The following ADGRF5 variants were observed in gnomAD, a reference collection of about 807,000 sequenced individuals.
The protein encoded by ADGRF5 is adhesion G protein-coupled receptor F5, also known as G-protein coupled receptor 116.
In ADGRF5, 75 loss-of-function variants were observed where a neutral mutation model predicts 132.3. The ratio of observed to expected loss-of-function variants is 0.57; its 90% confidence interval spans 0.47 to 0.69. ADGRF5 has a LOEUF of 0.69. ADGRF5 is among the 30% of genes least tolerant of loss of function. ADGRF5 has a pLI of 0.00. For missense variants in ADGRF5, 1,516 were observed against 1,630.6 expected (o/e 0.93, Z 1.21); for synonymous variants, 629 against 597.6 (o/e 1.05, Z -0.77).
chr6:46,950,202 G>A (rs111429325), intron 1 of ADGRF5, among the ~76,000 whole-genome samples: 13 of 152,216 alleles, frequency 8.5e-5, no homozygotes, highest in East Asian at 1.9e-4. Flanking sequence ...AACATTGCCC[G>A]GGACAAGGCG....
intron 10 of ADGRF5, among the ~76,000 whole-genome samples, chr6:46,873,024 C>T (rs1571442): frequency 0.079 from 12,082 of 152,166 alleles, 648 homozygotes; most frequent in Non-Finnish European, 0.11. Flanking sequence ...AAATTACCTC[C>T]TAGCTCACAG....
rs1769466030 is a variant in ADGRF5 at position 46,859,406 on chromosome 6, A to G, written c.2497T>C (p.Ser833Pro). The change falls in exon 17 of 21, where the codon TCC becomes CCC. Residue 833 changes from serine (S) to proline (P), a missense_variant. This residue lies in a region of ADGRF5 where 571 missense variants were observed against 701.2 expected (regional missense o/e 0.81). Transcript: ENST00000283296. ...SQLLHSVERF[S>P]QALQSGDSPP... ...CTATCTCCCGACTGTAATGCTTGGG[A>G]AAATCTTTCCACTGAATGTAGTAGC... is the stretch of plus-strand genomic sequence containing the variant. 1 of 1,613,480 alleles carries G rather than the reference A, an allele frequency of 6.2e-7. No individual in the cohort carries two copies. Among genetic ancestry groups the G allele is most frequent in the East Asian group, 2.2e-5 (1 of 44,892 alleles).
chr6:46,866,608 A>T (rs1770470806), intron 13 of ADGRF5, among the ~76,000 whole-genome samples: 1 of 151,680 alleles, frequency 6.6e-6, no homozygotes, highest in South Asian at 2.1e-4. Flanking sequence ...GTGGCATGCA[A>T]CTTTATAGCA....
At chr6:46,912,946 T>A (rs1776086488) in intron 1 of ADGRF5, among the ~76,000 whole-genome samples, 2 of 152,166 alleles carry the variant, frequency 1.3e-5, no homozygotes, top group African/African-American at 4.8e-5. Context: ...TTCTATAAAA[T>A]CCCCAGCAAG....
intron 8 of ADGRF5, among the ~76,000 whole-genome samples, chr6:46,880,310 T>C (rs961310897): frequency 5.3e-5 from 8 of 151,780 alleles, no homozygotes; most frequent in Non-Finnish European, 1.2e-4. Flanking sequence ...ATTTTAAAGC[T>C]ATTTTCAATA....
chr6:46,911,968 T>C (rs1020282741), intron 1 of ADGRF5, among the ~76,000 whole-genome samples: 5 of 152,160 alleles, frequency 3.3e-5, no homozygotes, highest in Non-Finnish European at 5.9e-5. Context: ...GTTGAGGACT[T>C]ACTATATACC....
In ADGRF5 at chr6:46,859,003, C is replaced by T; in HGVS notation, c.2900G>A (p.Gly967Glu). Residue 967 changes from glycine to glutamate, a missense_variant, in exon 17 of 21, where the codon GGG (glycine) becomes GAG (glutamate). Gly to Glu is a moderately conservative substitution (Grantham distance 98). This residue lies in a region of ADGRF5 where 571 missense variants were observed against 701.2 expected (regional missense o/e 0.81). Transcript: ENST00000283296. Reference protein sequence around the residue: ...WNFRLANNTGGWDSSGCYVEE... With the variant: ...WNFRLANNTGEWDSSGCYVEE... ...TACATAGCACCCACTGCTGTCCCAC[C>T]CCCCTGTGTTGTTGGCAAGCCTGAA... 1.9e-6 allele frequency: 3 copies of T among 1,614,148 alleles called. No homozygotes were observed. The highest frequency in any genetic ancestry group is 2.5e-6 in the Non-Finnish European group (3 of 1,180,030).
intron 2 of ADGRF5, among the ~76,000 whole-genome samples, chr6:46,902,369 T>A (rs902627233): frequency 6.6e-6 from 1 of 152,236 alleles, no homozygotes; most frequent in Non-Finnish European, 1.5e-5. Context: ...TTTGGGCAGT[T>A]CTCCCAGGTC....
At chr6:46,902,863 C>T (rs1027397929) in intron 2 of ADGRF5, among the ~76,000 whole-genome samples, 16 of 152,256 alleles carry the variant, frequency 1.1e-4, no homozygotes, top group African/African-American at 3.9e-4. Flanking sequence ...CTTGGCCATC[C>T]CCAGATTCAA....
intron 10 of ADGRF5, among the ~76,000 whole-genome samples, chr6:46,872,643 A>G (rs925370000): frequency 2.0e-5 from 3 of 152,100 alleles, no homozygotes; most frequent in Non-Finnish European, 4.4e-5. Flanking sequence ...CCCCTTCAAA[A>G]TAGCTCCCTT....
At chr6:46,869,828 T>A (rs1235348625) in intron 11 of ADGRF5, among the ~76,000 whole-genome samples, 1 of 152,224 alleles carries the variant, frequency 6.6e-6, no homozygotes, top group Non-Finnish European at 1.5e-5. Flanking sequence ...GTACCTTAAT[T>A]ATAACTATAT....
intron 1 of ADGRF5, among the ~76,000 whole-genome samples, chr6:46,930,668 C>T (rs1481798768): frequency 1.3e-5 from 2 of 152,198 alleles, no homozygotes; most frequent in African/African-American, 4.8e-5. Context: ...TTAGTTTTCT[C>T]ACTCCTTGAA....
chr6:46,947,433 T>C (rs1368850997), intron 1 of ADGRF5, among the ~76,000 whole-genome samples: 3 of 152,260 alleles, frequency 2.0e-5, no homozygotes, highest in Non-Finnish European at 4.4e-5. Context: ...CACAAACATA[T>C]GCACACTCAT....
intron 2 of ADGRF5, 109 bp from the exon 3 acceptor site, chr6:46,900,192 C>T: frequency 1.2e-6 from 1 of 830,626 alleles, no homozygotes; most frequent in South Asian, 1.4e-5. Context: ...AGGCTGCAGA[C>T]TTTGGGTTAG....
exon 1 of ADGRF5, chr6:46,954,786 C>G (rs1041618472): frequency 2.6e-5 from 4 of 152,230 alleles, no homozygotes; most frequent in African/African-American, 7.2e-5. Context: ...TACTGCTGAT[C>G]TGCCCAAAAC....
chr6:46,872,557 AC>A (rs1414666607), intron 10 of ADGRF5, among the ~76,000 whole-genome samples: 3 of 152,224 alleles, frequency 2.0e-5, no homozygotes, highest in Non-Finnish European at 4.4e-5. Context: ...AGCATTTTTC[AC>A]AGCATGTTCC....
intron 1 of ADGRF5, among the ~76,000 whole-genome samples, chr6:46,921,286 G>T (rs1776913677): frequency 6.6e-6 from 1 of 152,240 alleles, no homozygotes; most frequent in Non-Finnish European, 1.5e-5. Flanking sequence ...CTACTGGGAT[G>T]CAGCCTCTTC....
rs1273709688 is a variant in ADGRF5, at chr6:46,858,358, A to G, written c.3545T>C (p.Ile1182Thr). 7 of 1,613,836 alleles carry G rather than the reference A, an allele frequency of 4.3e-6. No homozygotes were observed. The highest frequency in any genetic ancestry group is 5.9e-6 in the Non-Finnish European group (7 of 1,179,892). Residue 1182 changes from isoleucine to threonine, a missense_variant, in exon 17 of 21, where the codon ATT (isoleucine) becomes ACT (threonine). By Grantham distance (89) the Ile-to-Thr change is moderately conservative. Around this residue, in one of 2 missense-constraint regions of ADGRF5, gnomAD observed 571 missense variants for 701.2 expected, o/e 0.81. Transcript: ENST00000283296. Reference sequence around the variant, plus strand: ...AGTGATGGTTATGTTCACCACCACAATGATCAGTGCTGGGATGGCGAAAGC... The same window carrying G: ...AGTGATGGTTATGTTCACCACCACAGTGATCAGTGCTGGGATGGCGAAAGC... ...LLAFAIPALI[I>T]VVVNITITIV...
chr6:46,878,866 A>G (rs565074697), intron 9 of ADGRF5, among the ~76,000 whole-genome samples: 1 of 152,350 alleles, frequency 6.6e-6, no homozygotes, highest in Admixed American at 6.5e-5. Flanking sequence ...CGGCTATTAC[A>G]TTCCAGAATA....
Sources: gnomAD v4.1 joint callset for allele counts (sites outside exome capture counted in the v4.1 genomes callset) on GRCh38, gnomAD v4.1.1 for gene constraint, gnomAD v4.1.1 regional missense constraint, MANE v1.5 for transcripts, NCBI Gene and HGNC (gene_info 2026-07-23, HGNC 2026-07-21) for gene names.